TRAPPC10: variants seen among roughly 807,000 people sequenced by gnomAD.
TRAPPC10 encodes TRAPP 130 kDa subunit.
In TRAPPC10, 23 loss-of-function variants were observed where a neutral mutation model predicts 125.5. The observed-to-expected ratio is 0.18, with a 90% CI of 0.13 to 0.26. The LOEUF is 0.26. Ranked by LOEUF, TRAPPC10 falls within the 10% of genes least tolerant of loss-of-function variation. The pLI, the probability that TRAPPC10 is intolerant of heterozygous loss-of-function variation, is 1.00. For missense variants in TRAPPC10, 1,123 were observed against 1,308.4 expected (o/e 0.86, Z 2.19); for synonymous variants, 509 against 518.0 (o/e 0.98, Z 0.24).
chr21:44,027,209 A>G (rs1193034266), intron 1 of TRAPPC10, among the ~76,000 whole-genome samples: 1 of 152,186 alleles, frequency 6.6e-6, no homozygotes, highest in Non-Finnish European at 1.5e-5. Flanking sequence ...ATAAATCTCC[A>G]AATAGAAGTA....
chr21:44,023,025 CTTTTTTTTTTT>C (rs1028804319), intron 1 of TRAPPC10, among the ~76,000 whole-genome samples: 19 of 80,244 alleles, frequency 2.4e-4, no homozygotes, highest in Admixed American at 1.2e-3. Flanking sequence ...TTCCCTATGT[CTTTTTTTTTTT>C]TTTTTTTTTT....
chr21:44,051,236 C>G (rs948112228), intron 3 of TRAPPC10, among the ~76,000 whole-genome samples: 1 of 152,164 alleles, frequency 6.6e-6, no homozygotes, highest in African/African-American at 2.4e-5. Context: ...CGTGGATACT[C>G]TGATTGGCTT....
intron 1 of TRAPPC10, among the ~76,000 whole-genome samples, chr21:44,025,054 C>T (rs577441948): frequency 6.6e-6 from 1 of 152,222 alleles, no homozygotes; most frequent in East Asian, 1.9e-4. Context: ...CCAGTCCCCT[C>T]CTGGTGGAAT....
At chr21:44,045,485 A>G (rs2034721087) in intron 3 of TRAPPC10, among the ~76,000 whole-genome samples, 1 of 151,980 alleles carries the variant, frequency 6.6e-6, no homozygotes. Context: ...CCCATGAGAA[A>G]TCTTTCATTA....
intron 3 of TRAPPC10, among the ~76,000 whole-genome samples, chr21:44,042,638 C>G (rs989877853): frequency 2.0e-4 from 30 of 152,094 alleles, no homozygotes; most frequent in African/African-American, 7.2e-4. Flanking sequence ...TCCACAAGAC[C>G]TATCTTACTG....
At chr21:44,062,258 C>CT (rs1481656615) in intron 6 of TRAPPC10, among the ~76,000 whole-genome samples, 1 of 152,202 alleles carries the variant, frequency 6.6e-6, no homozygotes, top group Non-Finnish European at 1.5e-5. Context: ...CAAATACTTA[C>CT]TGAGGGACCA....
At position 44,063,762 on chromosome 21, in the gene TRAPPC10, G is replaced by T. The variant is rs537924705; in HGVS notation, c.1015G>T (p.Val339Leu). ...QRALELLHNCVQELKLLEVSV... is the reference protein window; with the variant it reads ...QRALELLHNCLQELKLLEVSV... ...CGCCCTAGAGCTGCTGCACAACTGC[G>T]TGCAGGAACTGAAGCTCTTAGAAGT... The change falls in exon 7 of 23, where the codon GTG becomes TTG. Residue 339 changes from valine (V) to leucine (L), a missense_variant. Physicochemically the swap from Val to Leu is conservative, Grantham distance 32 (BLOSUM62 1). Transcript: ENST00000291574. This position sits in a 1 kb window ranked among gnomAD's most constrained non-coding sequence, Gnocchi z 4.4. 2 of 1,613,930 alleles carry T rather than the reference G, an allele frequency of 1.2e-6. No individual in the cohort carries two copies. The highest frequency in any genetic ancestry group is 1.3e-5 in the African/African-American group (1 of 75,032).
chr21:44,029,222 G>A (rs2033357731), intron 1 of TRAPPC10, among the ~76,000 whole-genome samples: 1 of 152,294 alleles, frequency 6.6e-6, no homozygotes, highest in Admixed American at 6.5e-5. Context: ...AGCCTCCCAA[G>A]TAGCTGGGAC....
chr21:44,022,982 T>A (rs1255095579), intron 1 of TRAPPC10, among the ~76,000 whole-genome samples: 1 of 150,330 alleles, frequency 6.7e-6, no homozygotes, highest in Admixed American at 6.6e-5. Flanking sequence ...CATCACTAAT[T>A]CCCTAAAGGT....
intron 7 of TRAPPC10, among the ~76,000 whole-genome samples, chr21:44,066,813 G>A (rs1001012823): frequency 2.6e-5 from 4 of 152,204 alleles, no homozygotes; most frequent in Admixed American, 1.3e-4. Context: ...GAAGGTCGAA[G>A]ATAGACATGT....
chr21:44,036,277 C>T (rs1007550078), intron 2 of TRAPPC10, among the ~76,000 whole-genome samples: 11 of 152,188 alleles, frequency 7.2e-5, no homozygotes, highest in African/African-American at 2.7e-4. Context: ...AATACATTTA[C>T]GAGCAGCCTC....
intron 12 of TRAPPC10, 56 bp from the exon 13 acceptor site, chr21:44,079,959 T>C: frequency 6.7e-7 from 1 of 1,487,488 alleles, no homozygotes; most frequent in Non-Finnish European, 9.3e-7. Context: ...TTGCATCCAC[T>C]TCCCCCCGCA....
intron 7 of TRAPPC10, among the ~76,000 whole-genome samples, chr21:44,071,540 C>T (rs1479687428): frequency 1.3e-5 from 2 of 152,130 alleles, no homozygotes; most frequent in Non-Finnish European, 2.9e-5. Context: ...AGTGCTCGGC[C>T]CCCTTTGGGG....
At chr21:44,053,796 A>G (rs1356458050) in intron 4 of TRAPPC10, among the ~76,000 whole-genome samples, 2 of 152,144 alleles carry the variant, frequency 1.3e-5, no homozygotes, top group Non-Finnish European at 2.9e-5. Context: ...TGGGGGGATC[A>G]CGCCGCTCTC....
chr21:44,076,370 T>C (rs1339114694), intron 9 of TRAPPC10, among the ~76,000 whole-genome samples, 182 bp from the exon 10 acceptor site: 1 of 152,234 alleles, frequency 6.6e-6, no homozygotes, highest in African/African-American at 2.4e-5. Flanking sequence ...TTTGACTATT[T>C]TATGAATATG....
At chr21:44,061,369 C>T (rs566177166) in intron 6 of TRAPPC10, among the ~76,000 whole-genome samples, 10 of 152,016 alleles carry the variant, frequency 6.6e-5, no homozygotes, top group East Asian at 2.0e-4. Flanking sequence ...TCGATCTCCT[C>T]GTGATCTGCC....
Position 44,056,474 on chromosome 21 carries a change from G to A in TRAPPC10, c.678+581G>A, listed in dbSNP as rs548012211. 5.2e-4 allele frequency among the ~76,000 whole-genome samples: 79 copies of A among 152,244 alleles called. 1 individual carries two copies. Among genetic ancestry groups the A allele is most frequent in the African/African-American group, 1.8e-3 (76 of 41,540 alleles). On this transcript the variant is annotated intron_variant, in intron 5 of 22. Transcript: ENST00000291574. ...GGGAGCAGTAGCCACTCCACAGTGG[G>A]GAAACCAGGTACATACCACCTGAAT...
In TRAPPC10 at chr21:44,061,294, G is replaced by A. The variant is rs750194503; in HGVS notation, c.790+2080G>A. Among the ~76,000 whole-genome samples, 107 of 152,066 alleles carry A rather than the reference G, an allele frequency of 7.0e-4. 1 individual carries two copies. Among genetic ancestry groups the A allele is most frequent in the Non-Finnish European group, 1.1e-3 (78 of 67,998 alleles). Reference sequence around the variant, plus strand: ...TGCGACTACAGGTGCCCGCCACCAAGCCCGGCTAATTTTTTTTTGTATTTT... The same window carrying A: ...TGCGACTACAGGTGCCCGCCACCAAACCCGGCTAATTTTTTTTTGTATTTT... On this transcript the variant is annotated intron_variant, in intron 6 of 22. Transcript: ENST00000291574.
At chr21:44,085,478 A>G (rs972495985) in intron 15 of TRAPPC10, among the ~76,000 whole-genome samples, 3 of 152,204 alleles carry the variant, frequency 2.0e-5, no homozygotes, top group African/African-American at 7.2e-5. Flanking sequence ...TGAGACCAGC[A>G]TGGGTAAGCC....
Sources: gnomAD v4.1 joint callset for allele counts (sites outside exome capture counted in the v4.1 genomes callset) on GRCh38, gnomAD v4.1.1 for gene constraint, Gnocchi (gnomAD v3.1) non-coding constraint, MANE v1.5 for transcripts, NCBI Gene and HGNC (gene_info 2026-07-23, HGNC 2026-07-21) for gene names.